SUGP2: variants seen among roughly 807,000 people sequenced by gnomAD.
The protein encoded by SUGP2 is SURP and G-patch domain-containing protein 2.
Under a neutral mutation model 90.5 loss-of-function variants are expected in SUGP2, and 24 were observed. That is an observed-to-expected ratio of 0.27 (90% confidence interval 0.19 to 0.37). The LOEUF is 0.37. Ranked by LOEUF, SUGP2 falls within the 10% of genes least tolerant of loss-of-function variation. The pLI is 1.00. For missense variants in SUGP2, 1,233 were observed against 1,363.3 expected (o/e 0.90, Z 1.51); for synonymous variants, 473 against 513.4 (o/e 0.92, Z 1.06).
At position 19,025,564 on chromosome 19, in the gene SUGP2, T is replaced by C. The variant is rs766526498; in HGVS notation, c.784A>G (p.Thr262Ala). 3.1e-6 allele frequency: 5 copies of C among 1,613,998 alleles called. No individual in the cohort carries two copies. The highest frequency in any genetic ancestry group is 4.2e-6 in the Non-Finnish European group (5 of 1,179,988). Residue 262 changes from threonine (T) to alanine (A), a missense_variant, in exon 3 of 11, where the codon ACT (threonine) becomes GCT (alanine). Coordinates refer to ENST00000452918, the MANE Select transcript of SUGP2 (RefSeq NM_001017392.5). ...TGGTTAGTGCCCTGAGTTTTGGGAG[T>C]AATACGATTCACGGTGGGTATTTTT... ...TKKIPTVNRI[T>A]PKTQGTNQIQ...
rs2057455663 is a variant in SUGP2, at chr19:18,993,702, G to A, written c.*39C>T. ...CAGGGATGATGTTTTAAGGGCAATT[G>A]CTGCTTCAAGGCTTATCTTTCACAT... On this transcript the variant is annotated 3_prime_UTR_variant, in exon 11 of 11. Coordinates refer to ENST00000452918, the MANE Select transcript of SUGP2 (RefSeq NM_001017392.5). 6.6e-6 allele frequency: 1 copy of A among 152,428 alleles called. No homozygotes were observed. The highest frequency in any genetic ancestry group is 1.5e-5 in the Non-Finnish European group (1 of 68,038). The allele number at this position is 152,428 out of a possible 1,614,324, so 9.4% of individuals were successfully genotyped here.
At chr19:19,001,920 G>A (rs1479362601) in intron 7 of SUGP2, among the ~76,000 whole-genome samples, 1 of 152,184 alleles carries the variant, frequency 6.6e-6, no homozygotes, top group Non-Finnish European at 1.5e-5. Flanking sequence ...TCACTGAGCG[G>A]TGCCTTGCTT....
At position 19,008,448 on chromosome 19, in the gene SUGP2, T is replaced by C. The variant is rs1201456985; in HGVS notation, c.2339-20A>G. On this transcript the variant is annotated intron_variant, in intron 5 of 10. Coordinates refer to ENST00000452918, the MANE Select transcript of SUGP2 (RefSeq NM_001017392.5). ...TGTCAACTACAAAACATAAAGCACC[T>C]GTCAGGCATGACTCCTGAGCTGCTG... is the stretch of plus-strand genomic sequence containing the variant. 8 of 1,591,944 alleles carry C rather than the reference T, an allele frequency of 5.0e-6. No individual in the cohort carries two copies. Among genetic ancestry groups the C allele is most frequent in the Non-Finnish European group, 6.9e-6 (8 of 1,159,922 alleles).
At chr19:19,015,269 G>A (rs1363136794) in intron 4 of SUGP2, among the ~76,000 whole-genome samples, 1 of 152,060 alleles carries the variant, frequency 6.6e-6, no homozygotes, top group East Asian at 1.9e-4. Context: ...GCCGTGAGAA[G>A]TAGTTTGAAG....
chr19:19,000,393 C>G (rs986166869), intron 8 of SUGP2, among the ~76,000 whole-genome samples: 1 of 152,228 alleles, frequency 6.6e-6, no homozygotes, highest in African/African-American at 2.4e-5. Context: ...AGGACTGCCT[C>G]ATCCATTTCT....
chr19:18,997,559 T>A (rs1277653514), intron 8 of SUGP2, among the ~76,000 whole-genome samples: 2 of 151,978 alleles, frequency 1.3e-5, no homozygotes, highest in Non-Finnish European at 2.9e-5. Context: ...CCAAGGTGCG[T>A]GGATCACGAT....
chr19:19,004,318 C>T lies in SUGP2; in HGVS notation c.2779G>A (p.Glu927Lys), dbSNP rs762114354. ...CCAGCCAGGTCGTCCTCGGCAGCCT[C>T]GCCGGGAAGGCCGTCGGCAGGGGTG... ...GSTPADGLPG[E>K]AAEDDLAGAP... Residue 927 changes from glutamate to lysine, a missense_variant, in exon 7 of 11, where the codon GAG (glutamate) becomes AAG (lysine). By Grantham distance (56) the Glu-to-Lys change is moderately conservative. Transcript: ENST00000452918. 5.0e-6 allele frequency: 8 copies of T among 1,613,498 alleles called. No individual in the cohort carries two copies. The East Asian group carries it at 6.7e-5, about 13-fold the overall frequency.
Position 19,008,309 on chromosome 19 carries a change from G to C in SUGP2, c.2450+8C>G. 2 of 1,604,512 alleles carry C rather than the reference G, an allele frequency of 1.2e-6. No homozygotes were observed. Among genetic ancestry groups the C allele is most frequent in the Non-Finnish European group, 1.7e-6 (2 of 1,171,286 alleles). ...AAAAGGTGTGATGAGACCCGGGGGG[G>C]TACGTACCACAGGTCAGGGTTATCG... On this transcript the variant is annotated splice_region_variant and intron_variant, in intron 6 of 10. Transcript: ENST00000452918.
At chr19:18,995,115 A>G in intron 9 of SUGP2, 29 bp downstream of exon 9, 1 of 1,051,100 alleles carries the variant, frequency 9.5e-7, no homozygotes, top group African/African-American at 1.6e-5. Flanking sequence ...GGCCCCACCC[A>G]CTCCCACCCC....
rs1278112483 is a variant in SUGP2 at position 18,992,151 on chromosome 19, A to T, written c.*1590T>A. ...CTGCAACCTCCGCCTCCCGGGTTCA[A>T]GTGATTCTCCTGCCTCAGCCTCCTG... On this transcript the variant is annotated 3_prime_UTR_variant, in exon 11 of 11. Coordinates refer to ENST00000452918, the MANE Select transcript of SUGP2 (RefSeq NM_001017392.5). 2.0e-5 allele frequency: 3 copies of T among 152,128 alleles called. No homozygotes were observed. The East Asian group carries it at 5.8e-4, about 29-fold the overall frequency. The allele number at this position is 152,128 out of a possible 1,614,324, so 9.4% of individuals were successfully genotyped here. A position where few individuals can be genotyped will look rare whatever the true frequency, so the allele number is the denominator to read the frequency against.
Position 19,009,952 on chromosome 19 carries a change from C to T in SUGP2, c.2241G>A (p.Gln747=), listed in dbSNP as rs1568412317. The change falls in exon 5 of 11, where the codon CAG becomes CAA. Residue 747 remains glutamine (Q), a synonymous_variant. Coordinates refer to ENST00000452918, the MANE Select transcript of SUGP2 (RefSeq NM_001017392.5). The stretch of plus-strand genomic sequence containing the variant: ...GGCCTGAGGCTTCTAAGCTGGGGTC[C>T]TGAGGAGAAGGTCCAACTGGGTCTG... ...CPPDPVGPSP[Q]DPSLEASGPS... The T allele has an allele frequency of 3.7e-6, 6 of 1,614,050 alleles. No homozygotes were observed.
intron 10 of SUGP2, 90 bp from the exon 11 acceptor site, chr19:18,993,830 A>G (rs2057460757): frequency 6.6e-6 from 1 of 152,044 alleles, no homozygotes. Flanking sequence ...AAAGATGAGG[A>G]TATTTACAGG....
chr19:19,018,069 C>T (rs1350061359), intron 4 of SUGP2, among the ~76,000 whole-genome samples: 1 of 151,624 alleles, frequency 6.6e-6, no homozygotes, highest in Non-Finnish European at 1.5e-5. Flanking sequence ...CATGGTGAAA[C>T]CCCATCTCTA....
rs747365344 is a variant in SUGP2, at chr19:19,025,947, T to C, written c.401A>G (p.Gln134Arg). 1 of 1,614,158 alleles carries C rather than the reference T, an allele frequency of 6.2e-7. No individual in the cohort carries two copies. Among genetic ancestry groups the C allele is most frequent in the South Asian group, 1.1e-5 (1 of 91,082 alleles). Residue 134 changes from glutamine to arginine, a missense_variant, in exon 3 of 11, where the codon CAG becomes CGG. Gln to Arg is a conservative substitution (Grantham distance 43, BLOSUM62 1). Coordinates refer to ENST00000452918, the MANE Select transcript of SUGP2 (RefSeq NM_001017392.5). ...GHRKLGHFRS[Q>R]DWKFALRGSW... ...ACCACGGAGCGCAAATTTCCAGTCC[T>C]GAGAACGGAAATGCCCCAATTTCCG...
rs2059277047 is a variant in SUGP2 at position 19,033,465 on chromosome 19, C to A, written c.-40G>T. 7.1e-7 allele frequency: 1 copy of A among 1,401,854 alleles called. No individual in the cohort carries two copies. The highest frequency in any genetic ancestry group is 9.3e-7 in the Non-Finnish European group (1 of 1,077,606). 86.8% of individuals were successfully genotyped at this position (1,401,854 alleles called of 1,614,324 possible). On this transcript the variant is annotated 5_prime_UTR_variant, in exon 1 of 11. Transcript: ENST00000452918. The stretch of plus-strand genomic sequence containing the variant: ...GAGACCACCGCGCGCGGAGCCACCC[C>A]CGCCGCCGCCTCAGGCTCCTCACCC...
chr19:19,008,997 C>T (rs184129171), intron 5 of SUGP2, among the ~76,000 whole-genome samples: 3 of 152,250 alleles, frequency 2.0e-5, no homozygotes, highest in Admixed American at 6.5e-5. Context: ...ATGCAACCTC[C>T]GCCTCCCGGG....
At chr19:19,004,140 G>T in intron 7 of SUGP2, 28 bp downstream of exon 7, 2 of 1,501,022 alleles carry the variant, frequency 1.3e-6, no homozygotes. Context: ...TGTGCTAGAG[G>T]CAACTGTGCC....
chr19:19,015,353 G>A lies in SUGP2; in HGVS notation c.1850+3756C>T, dbSNP rs570077858. 4.9e-4 allele frequency among the ~76,000 whole-genome samples: 74 copies of A among 152,244 alleles called. No homozygotes were observed. In the South Asian group the frequency reaches 9.5e-3, roughly 20 times the overall value. On this transcript the variant is annotated intron_variant, in intron 4 of 10. Coordinates refer to ENST00000452918, the MANE Select transcript of SUGP2 (RefSeq NM_001017392.5). ...AGAAACATTTGGCTTTTCATTATGC[G>A]TTCAATTGACTGTTTTGTTAAATAC...
chr19:19,019,127 T>C lies in SUGP2; in HGVS notation c.1832A>G (p.Lys611Arg), dbSNP rs1276482501. The C allele has an allele frequency of 6.2e-7, 1 of 1,613,888 alleles. No individual in the cohort carries two copies. The highest frequency in any genetic ancestry group is 1.3e-5 in the African/African-American group (1 of 74,950). Residue 611 changes from lysine (K) to arginine (R), a missense_variant, in exon 4 of 11, where the codon AAA becomes AGA. By Grantham distance (26) the Lys-to-Arg change is conservative. This residue lies in a region of SUGP2 where 540 missense variants were observed against 542.6 expected (regional missense o/e 1.00). Transcript: ENST00000452918. ...GACCTACCAGTAAGCAGGGTCCTCTTTGAGAAGAGTTCTCTCTTTGGGAGA... is the reference window on the plus strand; with the variant it reads ...GACCTACCAGTAAGCAGGGTCCTCTCTGAGAAGAGTTCTCTCTTTGGGAGA... ...SLSPKERTLL[K>R]EDPAYWFLSD...
Sources: gnomAD v4.1 joint callset for allele counts (sites outside exome capture counted in the v4.1 genomes callset) on GRCh38, gnomAD v4.1.1 for gene constraint, gnomAD v4.1.1 regional missense constraint, MANE v1.5 for transcripts, NCBI Gene and HGNC (gene_info 2026-07-23, HGNC 2026-07-21) for gene names.